The following SH3TC1 variants were observed in gnomAD, a reference collection of about 807,000 sequenced individuals.
SH3TC1 encodes SH3 domain and tetratricopeptide repeat-containing protein 1.
SH3TC1 carries 135 observed loss-of-function variants against 117.3 expected under a neutral mutation model. The ratio of observed to expected loss-of-function variants is 1.15; its 90% CI spans 1.00 to 1.33. SH3TC1 has a LOEUF of 1.33. Ranked by LOEUF, SH3TC1 falls within the 40% of genes most tolerant of loss-of-function variation. SH3TC1 has a pLI of 0.00. For synonymous variants in SH3TC1, 898 were observed against 816.9 expected (o/e 1.10, Z -1.69); for missense variants, 2,092 against 1,794.3 (o/e 1.17, Z -3.00).
intron 12 of SH3TC1, among the ~76,000 whole-genome samples, chr4:8,230,693 T>C (rs1224223609): frequency 6.6e-6 from 1 of 152,208 alleles, no homozygotes; most frequent in East Asian, 1.9e-4. Flanking sequence ...TTTGAGATTT[T>C]TCTTCTTTCT....
In SH3TC1 at chr4:8,209,163, A is replaced by G. The variant is rs763376115; in HGVS notation, c.173-585A>G. 2.0e-4 allele frequency among the ~76,000 whole-genome samples: 30 copies of G among 152,178 alleles called. No individual in the cohort carries two copies. The highest frequency in any genetic ancestry group is 3.7e-4 in the Non-Finnish European group (25 of 68,042). ...GTCCTCCAAAGATGCCCATGTCCTT[A>G]TCCCCACGACCTACGCCTGCATTAC... On this transcript the variant is annotated intron_variant, in intron 2 of 17. Transcript: ENST00000245105. The surrounding 1 kb of genome is among the most constrained non-coding windows in gnomAD (Gnocchi z 5.9).
intron 14 of SH3TC1, among the ~76,000 whole-genome samples, chr4:8,233,924 CT>C (rs1331175942): frequency 2.6e-5 from 4 of 151,266 alleles, no homozygotes; most frequent in Non-Finnish European, 5.9e-5. Flanking sequence ...TTCATCCACT[CT>C]TTTGTCATCC....
intron 5 of SH3TC1, among the ~76,000 whole-genome samples, chr4:8,215,492 T>C (rs962591130): frequency 2.0e-5 from 3 of 152,014 alleles, no homozygotes; most frequent in Admixed American, 6.6e-5. Flanking sequence ...GTGATGGCCA[T>C]TGTGGGGGGA....
At position 8,209,931 on chromosome 4, in the gene SH3TC1, T is replaced by C. The variant is rs1718506924; in HGVS notation, c.247+109T>C. The C allele has an allele frequency of 9.0e-7, 1 of 1,106,388 alleles. No homozygotes were observed. The highest frequency in any genetic ancestry group is 1.5e-5 in the South Asian group (1 of 68,782). The allele number at this position is 1,106,388 out of a possible 1,614,324, so 68.5% of individuals were successfully genotyped here. On this transcript the variant is annotated intron_variant, in intron 3 of 17. Coordinates refer to ENST00000245105, the MANE Select transcript of SH3TC1 (RefSeq NM_018986.5). The surrounding 1 kb of genome is among the most constrained non-coding windows in gnomAD (Gnocchi z 5.9). The stretch of plus-strand genomic sequence containing the variant: ...GCTTCTCAAAGTGTGGCCTCAGACT[T>C]CCCACCTTAAAATCATGATGGGAAT...
chr4:8,214,495 G>C lies in SH3TC1; in HGVS notation c.396G>C (p.Leu132=). 6.2e-7 allele frequency: 1 copy of C among 1,613,982 alleles called. No homozygotes were observed. The highest frequency in any genetic ancestry group is 8.5e-7 in the Non-Finnish European group (1 of 1,179,976). The change falls in exon 5 of 18, where the codon CTG becomes CTC. Residue 132 remains leucine (L), a synonymous_variant. Coordinates refer to ENST00000245105, the MANE Select transcript of SH3TC1 (RefSeq NM_018986.5). ...RVLGELSARL[L]SIHSDQDRIV... ...TTAAGGAATTATCAGCCAGGCTGCT[G>C]TCCATCCACAGTGACCAGGACCGGA...
intron 1 of SH3TC1, among the ~76,000 whole-genome samples, chr4:8,189,594 A>G (rs1225474547): frequency 1.3e-5 from 2 of 152,064 alleles, no homozygotes; most frequent in Non-Finnish European, 2.9e-5. Flanking sequence ...GATGGCTTGG[A>G]TGTAACCAGG....
chr4:8,227,053 C>T lies in SH3TC1; in HGVS notation c.1359C>T (p.Cys453=), dbSNP rs777564265. The part of the protein sequence containing the change: ...LQKVKNVLEQ[C]KTCPGCPQEP... ...AGGTGAAGAATGTTCTGGAACAATGCAAGACCTGCCCAGGCTGCCCCCAGG... is the reference window on the plus strand; with the variant it reads ...AGGTGAAGAATGTTCTGGAACAATGTAAGACCTGCCCAGGCTGCCCCCAGG... Residue 453 remains cysteine, a synonymous_variant, in exon 12 of 18, where the codon TGC becomes TGT. Transcript: ENST00000245105. 60 of 1,604,574 alleles carry T rather than the reference C, an allele frequency of 3.7e-5. No individual in the cohort carries two copies. Among genetic ancestry groups the T allele is most frequent in the Non-Finnish European group, 5.1e-5 (60 of 1,176,120 alleles).
At position 8,227,866 on chromosome 4, in the gene SH3TC1, C is replaced by A. The variant is rs1294065931; in HGVS notation, c.2172C>A (p.His724Gln). ...ADIYSRKCLPHLVLSCVKVAS... is the reference protein window; with the variant it reads ...ADIYSRKCLPQLVLSCVKVAS... ...TCTACAGCCGCAAGTGCCTGCCCCACCTGGTGCTGAGCTGTGTCAAGGTGG... is the reference window on the plus strand; with the variant it reads ...TCTACAGCCGCAAGTGCCTGCCCCAACTGGTGCTGAGCTGTGTCAAGGTGG... The change falls in exon 12 of 18, where the codon CAC becomes CAA. Residue 724 changes from histidine (H) to glutamine (Q), a missense_variant. His to Gln is a conservative substitution (Grantham distance 24). Transcript: ENST00000245105. The A allele has an allele frequency of 5.0e-6, 8 of 1,612,736 alleles. No individual in the cohort carries two copies. Among genetic ancestry groups the A allele is most frequent in the Admixed American group, 1.7e-5 (1 of 60,018 alleles).
chr4:8,193,176 C>T (rs112878591), intron 1 of SH3TC1, among the ~76,000 whole-genome samples: 734 of 152,360 alleles, frequency 4.8e-3, no homozygotes, highest in Non-Finnish European at 7.0e-3. Context: ...TGCCTCCCCT[C>T]TTCTAGAACG....
At chr4:8,216,820 T>C (rs1719324415) in intron 6 of SH3TC1, 137 bp from the exon 7 acceptor site, 1 of 825,296 alleles carries the variant, frequency 1.2e-6, no homozygotes, top group African/African-American at 1.7e-5. Flanking sequence ...CCCCTTTGGG[T>C]CTCTGTGCCT....
chr4:8,214,690 A>G lies in SH3TC1; in HGVS notation c.481+110A>G, dbSNP rs1719072918. 3 of 874,002 alleles carry G rather than the reference A, an allele frequency of 3.4e-6. No individual in the cohort carries two copies. The South Asian group carries it at 4.6e-5, about 13-fold the overall frequency. 54.1% of individuals were successfully genotyped at this position (874,002 alleles called of 1,614,324 possible). A position where few individuals can be genotyped will look rare whatever the true frequency, so the allele number is the denominator to read the frequency against. On this transcript the variant is annotated intron_variant, in intron 5 of 17. Coordinates refer to ENST00000245105, the MANE Select transcript of SH3TC1 (RefSeq NM_018986.5). ...TGGTGCTTTGTTTATTTATTTATTG[A>G]TGTATTGTTTTAAGACGAAGTCTTG...
rs1165433544 is a variant in SH3TC1, at chr4:8,227,360, C to A, written c.1666C>A (p.Leu556Ile). 1.3e-6 allele frequency: 2 copies of A among 1,590,420 alleles called. No individual in the cohort carries two copies. The highest frequency in any genetic ancestry group is 2.3e-5 in the South Asian group (2 of 87,342). ...ARGAAKKAGL[L>I]MALARLCFLL... is the part of the protein sequence containing the mutation. ...GGGGGCGGCCAAGAAAGCTGGCCTC[C>A]TCATGGCCCTGGCCAGGCTCTGCTT... The change falls in exon 12 of 18, where the codon CTC becomes ATC. Residue 556 changes from leucine (L) to isoleucine (I), a missense_variant. By Grantham distance (5) the Leu-to-Ile change is conservative. Transcript: ENST00000245105.
chr4:8,191,084 G>A (rs1717402520), intron 1 of SH3TC1, among the ~76,000 whole-genome samples: 1 of 152,178 alleles, frequency 6.6e-6, no homozygotes, highest in African/African-American at 2.4e-5. Context: ...TTCCTCCAAG[G>A]AAGGAAGGTC....
At chr4:8,191,274 C>T (rs558901426) in intron 1 of SH3TC1, among the ~76,000 whole-genome samples, 3 of 152,360 alleles carry the variant, frequency 2.0e-5, no homozygotes, top group Admixed American at 6.5e-5. Flanking sequence ...AGGCTGACGC[C>T]TGCCCCGACA....
chr4:8,216,230 A>C lies in SH3TC1; in HGVS notation c.601A>C (p.Thr201Pro), dbSNP rs374629121. Residue 201 changes from threonine (T) to proline (P), a missense_variant, in exon 6 of 18, where the codon ACC (threonine) becomes CCC (proline). Thr to Pro is a conservative substitution (Grantham distance 38, BLOSUM62 -1). Transcript: ENST00000245105. ...TGTGGATGAGAACGCCTTAAGGCTG[A>C]CCCACGAGAGCCTCCTCATCCAAGA... ...VHVDENALRL[T>P]HESLLIQEGP... The C allele has an allele frequency of 3.2e-4, 511 of 1,613,656 alleles. 4 individuals are homozygous for C. The Middle Eastern group carries it at 5.7e-3, about 18-fold the overall frequency.
intron 17 of SH3TC1, among the ~76,000 whole-genome samples, chr4:8,239,300 A>G (rs1450691462): frequency 7.4e-6 from 1 of 135,610 alleles, no homozygotes; most frequent in African/African-American, 2.9e-5. Context: ...TGCACACATG[A>G]GCACACACAG....
Position 8,183,937 on chromosome 4 carries a change from A to T in SH3TC1, c.-57+1727A>T, listed in dbSNP as rs1359602248. ...CAACTAATTTTTGTATTTTTAGTAG[A>T]TACGGGGTTTCACCATGTTGGCCAG... On this transcript the variant is annotated intron_variant, in intron 1 of 16. Transcript: ENST00000508641. The surrounding 1 kb of genome is among the most constrained non-coding windows in gnomAD (Gnocchi z 5.4). 6.6e-6 allele frequency among the ~76,000 whole-genome samples: 1 copy of T among 152,230 alleles called. No homozygotes were observed. The highest frequency in any genetic ancestry group is 2.4e-5 in the African/African-American group (1 of 41,514).
At chr4:8,189,877 G>C (rs560136605) in intron 1 of SH3TC1, among the ~76,000 whole-genome samples, 155 of 152,328 alleles carry the variant, frequency 1.0e-3, no homozygotes, top group African/African-American at 3.6e-3. Context: ...TTAGGGAGGA[G>C]GAGGCTGGGA....
chr4:8,234,481 A>G (rs1721614724), intron 14 of SH3TC1, among the ~76,000 whole-genome samples: 1 of 99,598 alleles, frequency 1.0e-5, no homozygotes, highest in African/African-American at 3.5e-5. Context: ...CAACCCATCC[A>G]TCCATCCATC....
Sources: gnomAD v4.1 joint callset for allele counts (sites outside exome capture counted in the v4.1 genomes callset) on GRCh38, gnomAD v4.1.1 for gene constraint, Gnocchi (gnomAD v3.1) non-coding constraint, MANE v1.5 for transcripts, NCBI Gene and HGNC (gene_info 2026-07-23, HGNC 2026-07-21) for gene names.